Variants in SV2B observed in about 807,000 individuals in gnomAD.
The protein encoded by SV2B is solute carrier family 22 member B2.
In SV2B, 41 loss-of-function variants were observed where a neutral mutation model predicts 73.9. The observed-to-expected ratio is 0.56, with a 90% CI of 0.43 to 0.72. The LOEUF is 0.72. SV2B is among the 30% of genes least tolerant of loss of function. SV2B has a pLI of 0.00. For synonymous variants in SV2B, 314 were observed against 314.2 expected, an observed-to-expected ratio of 1.00 and a Z score of 0.01; for missense variants, 764 against 857.8, an observed-to-expected ratio of 0.89 and a Z score of 1.37.
Position 91,239,327 on chromosome 15 carries a change from C to G in SV2B, c.452-12492C>G, listed in dbSNP as rs2046913471. 1.3e-5 allele frequency among the ~76,000 whole-genome samples: 2 copies of G among 151,866 alleles called. No individual in the cohort carries two copies. Among genetic ancestry groups the G allele is most frequent in the African/African-American group, 4.8e-5 (2 of 41,334 alleles). On this transcript the variant is annotated intron_variant, in intron 2 of 12. Transcript: ENST00000394232. This position sits in a 1 kb window ranked among gnomAD's most constrained non-coding sequence, Gnocchi z 5.1. ...AAAGAAGTTTTGTCCTTGCCTTGTC[C>G]TCTCTGCCTCACCTCTCGGTGGGTC...
In SV2B at chr15:91,289,435, T is replaced by G; in HGVS notation, c.1709-86T>G. 6.4e-7 allele frequency: 1 copy of G among 1,553,632 alleles called. No homozygotes were observed. The highest frequency in any genetic ancestry group is 2.2e-5 in the East Asian group (1 of 44,506). On this transcript the variant is annotated intron_variant, in intron 11 of 12. Coordinates refer to ENST00000394232, the MANE Select transcript of SV2B (RefSeq NM_001323032.3). This position sits in a 1 kb window ranked among gnomAD's most constrained non-coding sequence, Gnocchi z 4.9. ...TTGGCTTCAGGTGTACCAGTGAGGGTGGGAGATGGGGCAAGAACTGTGAGT... is the reference window on the plus strand; with the variant it reads ...TTGGCTTCAGGTGTACCAGTGAGGGGGGGAGATGGGGCAAGAACTGTGAGT...
chr15:91,163,829 G>C (rs1416065649), intron 1 of SV2B, among the ~76,000 whole-genome samples: 2 of 152,162 alleles, frequency 1.3e-5, no homozygotes, highest in Admixed American at 6.5e-5. Context: ...TAGTCATGAA[G>C]TCCTTGCCCA....
intron 9 of SV2B, among the ~76,000 whole-genome samples, chr15:91,273,489 C>T (rs1177047380): frequency 6.6e-6 from 1 of 152,150 alleles, no homozygotes; most frequent in Non-Finnish European, 1.5e-5. Flanking sequence ...AAATTGGATT[C>T]CTTTTCCCCT....
intron 1 of SV2B, among the ~76,000 whole-genome samples, chr15:91,148,373 T>C (rs1283316257): frequency 6.6e-6 from 1 of 152,132 alleles, no homozygotes; most frequent in Non-Finnish European, 1.5e-5. Context: ...TTGGGTCATA[T>C]AGCACAGGAA....
In SV2B at chr15:91,296,490, C is replaced by G. The variant is rs1057127268; in HGVS notation, c.*3938C>G. 2 of 151,466 alleles carry G rather than the reference C, an allele frequency of 1.3e-5. No individual in the cohort carries two copies. Among genetic ancestry groups the G allele is most frequent in the Non-Finnish European group, 2.9e-5 (2 of 68,026 alleles). 9.4% of individuals were successfully genotyped at this position (151,466 alleles called of 1,614,324 possible). On this transcript the variant is annotated 3_prime_UTR_variant, in exon 13 of 13. Transcript: ENST00000394232. ...TGGGAGCACACTCCTTCTGCCTGAT[C>G]GTTGGGAGCACACTCCTGCCTGATC...
At chr15:91,217,724 C>G (rs1567354583) in intron 1 of SV2B, among the ~76,000 whole-genome samples, 1 of 152,198 alleles carries the variant, frequency 6.6e-6, no homozygotes, top group Non-Finnish European at 1.5e-5. Context: ...AGCATTTTCA[C>G]AGATACATGA....
intron 1 of SV2B, among the ~76,000 whole-genome samples, chr15:91,210,057 TCCAGGCAGGAGAGAACCACAGGG>T (rs2045799169): frequency 6.6e-6 from 1 of 151,964 alleles, no homozygotes; most frequent in Non-Finnish European, 1.5e-5. Flanking sequence ...CTTGTGAGTG[TCCAGGCAGGAGAGAACCACAGGG>T]CCAATGACAC....
chr15:91,187,484 A>G (rs1481476293), intron 1 of SV2B, among the ~76,000 whole-genome samples: 1 of 152,208 alleles, frequency 6.6e-6, no homozygotes, highest in Non-Finnish European at 1.5e-5. Flanking sequence ...TGCTTATGAA[A>G]TCAGTGGCTC....
At position 91,128,966 on chromosome 15, in the gene SV2B, G is replaced by A. The variant is rs1228344238; in HGVS notation, c.-392+28603G>A. Among the ~76,000 whole-genome samples, 2 of 152,328 alleles carry A rather than the reference G, an allele frequency of 1.3e-5. No homozygotes were observed. The highest frequency in any genetic ancestry group is 2.1e-4 in the South Asian group (1 of 4,824). On this transcript the variant is annotated intron_variant, in intron 1 of 12. Coordinates refer to ENST00000394232, the MANE Select transcript of SV2B (RefSeq NM_001323032.3). The surrounding 1 kb of genome is among the most constrained non-coding windows in gnomAD (Gnocchi z 4.2). ...TTGGGTCTTCATTCTGAAGGCTCCC[G>A]TGGATACACGTCAAATAAAGTTGTA...
chr15:91,109,679 C>T (rs188859068), intron 1 of SV2B, among the ~76,000 whole-genome samples: 3 of 152,132 alleles, frequency 2.0e-5, no homozygotes, highest in South Asian at 2.1e-4. Flanking sequence ...TTTCAGAGCT[C>T]GAAGGGACCC....
rs555144842 is a variant in SV2B at position 91,267,579 on chromosome 15, G to A, written c.1144G>A (p.Val382Met). ...GGTCTGGGATAATGCCCTGTACTGTGTGATGGGGCCCTACAGAATGAATAC... is the reference window on the plus strand; with the variant it reads ...GGTCTGGGATAATGCCCTGTACTGTATGATGGGGCCCTACAGAATGAATAC... ...KQVWDNALYC[V>M]MGPYRMNTLI... Residue 382 changes from valine (V) to methionine (M), a missense_variant, in exon 8 of 13, where the codon GTG (valine) becomes ATG (methionine). Transcript: ENST00000394232. This position sits in a 1 kb window ranked among gnomAD's most constrained non-coding sequence, Gnocchi z 4.3. 2.2e-5 allele frequency: 36 copies of A among 1,613,470 alleles called. 1 individual carries two copies. The South Asian group carries it at 3.7e-4, about 17-fold the overall frequency.
chr15:91,261,151 TACTC>T lies in SV2B; in HGVS notation c.1008+744_1008+747del, dbSNP rs2047898031. Among the ~76,000 whole-genome samples the T allele has an allele frequency of 6.6e-6, 1 of 152,048 alleles. No individual in the cohort carries two copies. The highest frequency in any genetic ancestry group is 1.5e-5 in the Non-Finnish European group (1 of 68,012). On this transcript the variant is annotated intron_variant, in intron 6 of 12. Coordinates refer to ENST00000394232, the MANE Select transcript of SV2B (RefSeq NM_001323032.3). The surrounding 1 kb of genome is among the most constrained non-coding windows in gnomAD (Gnocchi z 4.7). ...GGTGGCGGGTACCTAAAATCCCAGC[TACTC>T]AGGAGGCTGAGGCAGGAGAATTGCT...
chr15:91,273,506 CAT>C (rs1304780384), intron 9 of SV2B, among the ~76,000 whole-genome samples: 1 of 152,208 alleles, frequency 6.6e-6, no homozygotes, highest in East Asian at 1.9e-4. Flanking sequence ...CCCTGTCAAA[CAT>C]GTGCACATGT....
At chr15:91,221,092 C>T (rs1056282877) in intron 1 of SV2B, among the ~76,000 whole-genome samples, 1 of 152,088 alleles carries the variant, frequency 6.6e-6, no homozygotes, top group African/African-American at 2.4e-5. Context: ...TCTCAAACTC[C>T]TGGAATCAAG....
chr15:91,253,037 C>G lies in SV2B; in HGVS notation c.784+517C>G, dbSNP rs923899886. ...GGTGCCTGCTGTCACTCTTGTTTGG[C>G]CGTGACAGTGCAGGAGCCCTTATAG... On this transcript the variant is annotated intron_variant, in intron 4 of 12. Coordinates refer to ENST00000394232, the MANE Select transcript of SV2B (RefSeq NM_001323032.3). The surrounding 1 kb of genome is among the most constrained non-coding windows in gnomAD (Gnocchi z 5.0). Among the ~76,000 whole-genome samples the G allele has an allele frequency of 6.6e-6, 1 of 152,252 alleles. No homozygotes were observed. Among genetic ancestry groups the G allele is most frequent in the Admixed American group, 6.5e-5 (1 of 15,302 alleles).
intron 1 of SV2B, among the ~76,000 whole-genome samples, chr15:91,175,354 C>A (rs527382213): frequency 6.6e-6 from 1 of 152,038 alleles, no homozygotes; most frequent in East Asian, 1.9e-4. Flanking sequence ...TCCTGGGTTC[C>A]AGTGATTCTC....
rs1420934426 is a variant in SV2B, at chr15:91,226,557, C to T, written c.294C>T (p.Ile98=). The T allele has an allele frequency of 6.2e-7, 1 of 1,614,100 alleles. No individual in the cohort carries two copies. The highest frequency in any genetic ancestry group is 1.7e-5 in the Admixed American group (1 of 60,008). Reference sequence around the variant, plus strand: ...AGTTGGCCCACCAGTACGAGACCATCATGGATGAGTGTGGCCATGGCCGCT... The same window carrying T: ...AGTTGGCCCACCAGTACGAGACCATTATGGATGAGTGTGGCCATGGCCGCT... ...EEQLAHQYET[I]MDECGHGRFQ... is the part of the protein sequence containing the mutation. The change falls in exon 2 of 13, where the codon ATC becomes ATT. Residue 98 remains isoleucine (I), a synonymous_variant. Coordinates refer to ENST00000394232, the MANE Select transcript of SV2B (RefSeq NM_001323032.3).
chr15:91,221,676 T>C (rs2046214595), intron 1 of SV2B, among the ~76,000 whole-genome samples: 1 of 121,504 alleles, frequency 8.2e-6, no homozygotes, highest in African/African-American at 4.1e-5. Context: ...ACCTGTGGAC[T>C]ATTACCAAGC....
intron 1 of SV2B, among the ~76,000 whole-genome samples, chr15:91,126,198 T>A (rs1454630284): frequency 6.6e-6 from 1 of 152,244 alleles, no homozygotes; most frequent in Non-Finnish European, 1.5e-5. Context: ...TTGGCAAGGC[T>A]GTGCCTACTG....
Sources: allele counts gnomAD v4.1 joint callset (sites outside exome capture counted in the v4.1 genomes callset), GRCh38; gene constraint gnomAD v4.1.1; non-coding constraint Gnocchi (gnomAD v3.1); transcripts MANE v1.5; gene names NCBI Gene and HGNC (gene_info 2026-07-23, HGNC 2026-07-21).